ABCA2: variants seen among roughly 807,000 people sequenced by gnomAD.
The protein encoded by ABCA2 is ATP-binding cassette sub-family A member 2.
A neutral mutation model predicts 262.8 loss-of-function variants in ABCA2; 84 were observed. The ratio of observed to expected loss-of-function variants is 0.32; its 90% CI spans 0.27 to 0.38. The LOEUF (loss-of-function observed/expected upper bound fraction) is 0.38. Among genes scored for constraint, ABCA2 ranks in the 10% least tolerant of loss-of-function variants. The probability of loss-of-function intolerance (pLI) is 1.00; values close to 1 mark genes in which losing one functional copy is unlikely to be tolerated. For synonymous variants in ABCA2, 1,696 were observed against 1,502.9 expected, an observed-to-expected ratio of 1.13 and a Z score of -2.97; for missense variants, 2,662 against 3,405.9, an observed-to-expected ratio of 0.78 and a Z score of 5.44.
At chr9:137,022,153 C>T (rs1213936342) in intron 6 of ABCA2, 152 bp from the exon 7 acceptor site, 2 of 487,052 alleles carry the variant, frequency 4.1e-6, no homozygotes, top group African/African-American at 3.9e-5. Context: ...GGGGGCGTGG[C>T]TCCGATGTAG....
chr9:137,007,871 C>A lies in ABCA2; in HGVS notation c.*58G>T, dbSNP rs1033690186. On this transcript the variant is annotated 3_prime_UTR_variant, in exon 49 of 49. Coordinates refer to ENST00000341511, the MANE Select transcript of ABCA2 (RefSeq NM_001606.5). ...GGACTTCTGTCCCCATTGTTGAGTC[C>A]CTGGCCCAGCTCTGGGTGGTCAGTG... 161 of 1,598,134 alleles carry A rather than the reference C, an allele frequency of 1.0e-4. No homozygotes were observed. Among genetic ancestry groups the A allele is most frequent in the Non-Finnish European group, 1.3e-4 (152 of 1,177,686 alleles).
At position 137,014,235 on chromosome 9, in the gene ABCA2, G is replaced by A. The variant is rs757652011; in HGVS notation, c.4173C>T (p.Thr1391=). ...GGGGGCGGTAGTCGCCATAGACGTC[G>A]GTGTAGCCAGCTCCCTCGTCGCCAC... ...SARGDEGAGY[T]DVYGDYRPLF... The change falls in exon 27 of 49, where the codon ACC becomes ACT. Residue 1391 remains threonine, a synonymous_variant. Coordinates refer to ENST00000341511, the MANE Select transcript of ABCA2 (RefSeq NM_001606.5). 1.2e-5 allele frequency: 20 copies of A among 1,609,984 alleles called. No individual in the cohort carries two copies. The highest frequency in any genetic ancestry group is 8.4e-5 in the Admixed American group (5 of 59,696).
chr9:137,022,217 G>A (rs1310389616), intron 6 of ABCA2, 134 bp downstream of exon 6: 2 of 1,210,772 alleles, frequency 1.7e-6, no homozygotes, highest in Admixed American at 5.8e-5. Flanking sequence ...TGGGGGCGTG[G>A]CTCAGATGGT....
rs1257834883 is a variant in ABCA2 at position 137,009,582 on chromosome 9, G to A, written c.6693C>T (p.Asp2231=). Residue 2231 remains aspartate, a synonymous_variant, in exon 44 of 49, where the codon GAC becomes GAT. Coordinates refer to ENST00000341511, the MANE Select transcript of ABCA2 (RefSeq NM_001606.5). ...CCACTGAACGCCCTGTCTTGATGAG[G>A]TCAAGGATGAGGTTCCAGAGGAAGC... is the stretch of plus-strand genomic sequence containing the variant. ...ARRFLWNLIL[D]LIKTGRSVVL... is the part of the protein sequence containing the mutation. 3 of 1,612,940 alleles carry A rather than the reference G, an allele frequency of 1.9e-6. No individual in the cohort carries two copies. The highest frequency in any genetic ancestry group is 2.5e-6 in the Non-Finnish European group (3 of 1,179,912).
chr9:137,028,194 C>A lies in ABCA2; in HGVS notation c.-54G>T. ...CCGCGGCCCGCTCCTCTGCGCGCCC[C>A]GCCGGGCCCCGCAGCCCGCCGCGCC... On this transcript the variant is annotated 5_prime_UTR_variant, in exon 1 of 49. Coordinates refer to ENST00000341511, the MANE Select transcript of ABCA2 (RefSeq NM_001606.5). The surrounding 1 kb of genome is among the most constrained non-coding windows in gnomAD (Gnocchi z 6.9). 1.0e-6 allele frequency: 1 copy of A among 978,070 alleles called. No homozygotes were observed. The highest frequency in any genetic ancestry group is 1.2e-6 in the Non-Finnish European group (1 of 825,850). 60.6% of individuals were successfully genotyped at this position (978,070 alleles called of 1,614,324 possible). A position where few individuals can be genotyped will look rare whatever the true frequency, so the allele number is the denominator to read the frequency against.
rs1334486496 is a variant in ABCA2 at position 137,012,292 on chromosome 9, T to C, written c.5272A>G (p.Lys1758Glu). The C allele has an allele frequency of 1.2e-6, 2 of 1,606,310 alleles. No homozygotes were observed. Among genetic ancestry groups the C allele is most frequent in the African/African-American group, 1.3e-5 (1 of 74,416 alleles). ...TAAGCCGCCGGGTTGCCCTTGCTCT[T>C]GGGCAGGTTGGCACGCAGGATGGCG... Reference protein sequence around the residue: ...NNAILRANLPKSKGNPAAYGI... With the variant: ...NNAILRANLPESKGNPAAYGI... Residue 1758 changes from lysine (K) to glutamate (E), a missense_variant, in exon 33 of 49, where the codon AAG (lysine) becomes GAG (glutamate). This residue lies in a region of ABCA2 where 602 missense variants were observed against 897.4 expected (regional missense o/e 0.67). Transcript: ENST00000341511.
chr9:137,012,235 C>T, intron 33 of ABCA2, 30 bp downstream of exon 33: 2 of 1,582,848 alleles, frequency 1.3e-6, no homozygotes, highest in Non-Finnish European at 1.7e-6. Flanking sequence ...CTCCTCCCCG[C>T]CCCGCCCCGC....
intron 6 of ABCA2, 114 bp downstream of exon 6, chr9:137,022,237 G>T: frequency 7.0e-7 from 1 of 1,419,530 alleles, no homozygotes; most frequent in African/African-American, 1.5e-5. Flanking sequence ...TGGGGGCAAG[G>T]TTCAGACGGT....
chr9:137,026,329 C>T (rs138328774), intron 1 of ABCA2, among the ~76,000 whole-genome samples: 14 of 152,338 alleles, frequency 9.2e-5, no homozygotes, highest in Non-Finnish European at 1.3e-4. Flanking sequence ...CCCAGCAGGG[C>T]GCATGGCACA....
intron 1 of ABCA2, among the ~76,000 whole-genome samples, chr9:137,026,808 A>T (rs1420299740): frequency 6.6e-6 from 1 of 152,210 alleles, no homozygotes; most frequent in Non-Finnish European, 1.5e-5. Context: ...TGCATGCCAC[A>T]TGCCACATCC....
chr9:137,021,065 A>T lies in ABCA2; in HGVS notation c.898-4T>A. The T allele has an allele frequency of 2.0e-6, 3 of 1,473,162 alleles. No homozygotes were observed. Among genetic ancestry groups the T allele is most frequent in the Non-Finnish European group, 2.7e-6 (3 of 1,110,298 alleles). 91.3% of individuals were successfully genotyped at this position (1,473,162 alleles called of 1,614,324 possible). A position where few individuals can be genotyped will look rare whatever the true frequency, so the allele number is the denominator to read the frequency against. ...CGTTGGGGGCATCCAGGCCCAGCTG[A>T]GGGGAAACAGGCACGTGGGCAGTGC... On this transcript the variant is annotated splice_polypyrimidine_tract_variant and splice_region_variant and intron_variant, in intron 8 of 48. Coordinates refer to ENST00000341511, the MANE Select transcript of ABCA2 (RefSeq NM_001606.5). This position sits in a 1 kb window ranked among gnomAD's most constrained non-coding sequence, Gnocchi z 6.0.
rs760946277 is a variant in ABCA2, at chr9:137,012,155, G to T, written c.5307C>A (p.Thr1769=). ...SKGNPAAYGI[T]VTNHPMNKTS... The stretch of plus-strand genomic sequence containing the variant: ...TCTTATTCATGGGGTGGTTGGTGAC[G>T]GTGATGCCTGCACACGGCGGGGCGG... Residue 1769 remains threonine (T), a synonymous_variant, in exon 34 of 49, where the codon ACC becomes ACA. Transcript: ENST00000341511. The T allele has an allele frequency of 6.2e-7, 1 of 1,612,348 alleles. No homozygotes were observed. The highest frequency in any genetic ancestry group is 8.5e-7 in the Non-Finnish European group (1 of 1,179,846).
rs764927602 is a variant in ABCA2 at position 137,014,017 on chromosome 9, G to A, written c.4262C>T (p.Ser1421Leu). 28 of 1,611,382 alleles carry A rather than the reference G, an allele frequency of 1.7e-5. No homozygotes were observed. The highest frequency in any genetic ancestry group is 5.0e-5 in the Admixed American group (3 of 59,990). Reference sequence around the variant, plus strand: ...CTTGCGGCTGCCCTGGCCGACCCTCGACAGGGCCTCTGCCTCCACCTCTGT... The same window carrying A: ...CTTGCGGCTGCCCTGGCCGACCCTCAACAGGGCCTCTGCCTCCACCTCTGT... Reference protein sequence around the residue: ...SLQEVEAEALSRVGQGSRKLD... With the variant: ...SLQEVEAEALLRVGQGSRKLD... The change falls in exon 28 of 49, where the codon TCG becomes TTG. Residue 1421 changes from serine (S) to leucine (L), a missense_variant. Physicochemically the swap from Ser to Leu is moderately radical, Grantham distance 145. This residue lies in a region of ABCA2 where 297 missense variants were observed against 286.5 expected (regional missense o/e 1.04). Coordinates refer to ENST00000341511, the MANE Select transcript of ABCA2 (RefSeq NM_001606.5).
upstream of ABCA2, chr9:137,028,576 G>T (rs1176466725): frequency 3.8e-6 from 3 of 783,024 alleles, no homozygotes; most frequent in Admixed American, 1.2e-4. This position sits in a 1 kb window ranked among gnomAD's most constrained non-coding sequence, Gnocchi z 6.9. Flanking sequence ...CGCCCACCGC[G>T]CTGGCGACTC....
chr9:137,027,676 G>A (rs1398655090), intron 1 of ABCA2: 1 of 152,404 alleles, frequency 6.6e-6, no homozygotes, highest in Non-Finnish European at 1.5e-5. Flanking sequence ...TGGGCCCAAG[G>A]ACCATGGAGC....
In ABCA2 at chr9:137,017,058, C is replaced by T; in HGVS notation, c.2620G>A (p.Val874Met). ...CTGAAGGTGTGCCACTGGATGCCCA[C>T]GCCGGCCACCTCATACAGCGCGAAG... ...KYFALYEVAG[V>M]GIQWHTFSQS... The change falls in exon 19 of 49, where the codon GTG becomes ATG. Residue 874 changes from valine to methionine, a missense_variant. Physicochemically the swap from Val to Met is conservative, Grantham distance 21. Coordinates refer to ENST00000341511, the MANE Select transcript of ABCA2 (RefSeq NM_001606.5). The T allele has an allele frequency of 3.1e-6, 5 of 1,612,804 alleles. No individual in the cohort carries two copies. The highest frequency in any genetic ancestry group is 4.2e-6 in the Non-Finnish European group (5 of 1,179,998).
chr9:137,009,445 G>A lies in ABCA2; in HGVS notation c.6752C>T (p.Ala2251Val), dbSNP rs1830954742. The A allele has an allele frequency of 3.1e-6, 5 of 1,607,604 alleles. No individual in the cohort carries two copies. The highest frequency in any genetic ancestry group is 4.2e-6 in the Non-Finnish European group (5 of 1,178,010). ...LTSHSMEECE[A>V]LCTRLAIMVN... ...CATGATGGCCAGCCGCGTGCACAGCGCCTCGCACTCCTCCATGCTGTGGGA... is the reference window on the plus strand; with the variant it reads ...CATGATGGCCAGCCGCGTGCACAGCACCTCGCACTCCTCCATGCTGTGGGA... The change falls in exon 45 of 49, where the codon GCG (alanine) becomes GTG (valine). Residue 2251 changes from alanine (A) to valine (V), a missense_variant. Around this residue, in one of 12 missense-constraint regions of ABCA2, gnomAD observed 602 missense variants for 897.4 expected, o/e 0.67. Transcript: ENST00000341511.
intron 1 of ABCA2, among the ~76,000 whole-genome samples, chr9:137,025,274 C>G (rs1220961994): frequency 6.6e-6 from 1 of 152,248 alleles, no homozygotes; most frequent in Non-Finnish European, 1.5e-5. Flanking sequence ...TCTTGTGTCC[C>G]AGCCCCCAGC....
chr9:137,017,107 C>T lies in ABCA2; in HGVS notation c.2571G>A (p.Thr857=), dbSNP rs772699698. 37 of 1,612,544 alleles carry T rather than the reference C, an allele frequency of 2.3e-5. No individual in the cohort carries two copies. The highest frequency in any genetic ancestry group is 4.5e-5 in the East Asian group (2 of 44,894). Residue 857 remains threonine (T), a synonymous_variant, in exon 19 of 49, where the codon ACG becomes ACA. Coordinates refer to ENST00000341511, the MANE Select transcript of ABCA2 (RefSeq NM_001606.5). ...AGTACTTAGAGCCCAGACCAAAGGC[C>T]GTCGTGGACATGAGGGACTGAGAAG... ...EKCIASLMST[T]AFGLGSKYFA...
Sources: allele counts gnomAD v4.1 joint callset (sites outside exome capture counted in the v4.1 genomes callset), GRCh38; gene constraint gnomAD v4.1.1; regional missense constraint gnomAD v4.1.1; non-coding constraint Gnocchi (gnomAD v3.1); transcripts MANE v1.5; gene names NCBI Gene and HGNC (gene_info 2026-07-23, HGNC 2026-07-21).